ARHGAP26: variants seen among roughly 807,000 people sequenced by gnomAD.
ARHGAP26 encodes the protein Rho GTPase activating protein 26.
Under a neutral mutation model 104.8 loss-of-function variants are expected in ARHGAP26, and 38 were observed. The ratio of observed to expected loss-of-function variants is 0.36; its 90% CI spans 0.28 to 0.48. The LOEUF (loss-of-function observed/expected upper bound fraction) is 0.48, where lower values mean the gene tolerates loss of function less well. ARHGAP26 is among the 20% of genes least tolerant of loss of function. ARHGAP26 has a pLI of 0.99. For missense variants in ARHGAP26, 704 were observed against 947.9 expected, an observed-to-expected ratio of 0.74 and a Z score of 3.38; for synonymous variants, 341 against 340.0, an observed-to-expected ratio of 1.00 and a Z score of -0.03.
chr5:143,167,482 CAAAAAAAAAAAAAAAAAAAA>C (rs6149274), intron 20 of ARHGAP26, among the ~76,000 whole-genome samples: 9 of 60,086 alleles, frequency 1.5e-4, no homozygotes, highest in East Asian at 4.2e-4. Context: ...GACTCCATCT[CAAAAAAAAAAAAAAAAAAAA>C]AAAAAAAAAA....
intron 19 of ARHGAP26, among the ~76,000 whole-genome samples, chr5:143,140,487 A>G (rs796284683): frequency 6.6e-6 from 1 of 152,228 alleles, no homozygotes; most frequent in Non-Finnish European, 1.5e-5. Context: ...GCCAGTATAT[A>G]TAAAGTACTT....
intron 11 of ARHGAP26, among the ~76,000 whole-genome samples, chr5:142,938,821 A>G (rs1765830925): frequency 1.3e-5 from 2 of 152,286 alleles, no homozygotes; most frequent in Non-Finnish European, 2.9e-5. Context: ...TTTTAGATGT[A>G]TTAGTCCTCC....
intron 1 of ARHGAP26, among the ~76,000 whole-genome samples, chr5:142,840,454 A>G (rs968930404): frequency 1.3e-5 from 2 of 152,118 alleles, no homozygotes; most frequent in African/African-American, 4.8e-5. Flanking sequence ...TTTTTTGACT[A>G]TTGTTAAATA....
intron 14 of ARHGAP26, among the ~76,000 whole-genome samples, chr5:143,045,491 G>A (rs1784087546): frequency 6.6e-6 from 1 of 152,164 alleles, no homozygotes; most frequent in Admixed American, 6.5e-5. Flanking sequence ...ATCAATTCTT[G>A]GTACTGGTAG....
At position 142,890,146 on chromosome 5, in the gene ARHGAP26, AAAAAAATATATAT is replaced by A. The variant is rs1396591173; in HGVS notation, c.487-4090_487-4078del. Among the ~76,000 whole-genome samples, 7 of 89,204 alleles carry A rather than the reference AAAAAAATATATAT, an allele frequency of 7.8e-5. No individual in the cohort carries two copies. The South Asian group carries it at 1.6e-3, about 21-fold the overall frequency. 58.5% of individuals were successfully genotyped at this position (89,204 alleles called of 152,430 possible). ...AGCGAAACTCCGTCTTAAAAAAAAA[AAAAAAATATATAT>A]ATATATATATATATATATATATATA... On this transcript the variant is annotated intron_variant, in intron 5 of 22. Coordinates refer to ENST00000645722, the MANE Select transcript of ARHGAP26 (RefSeq NM_001135608.3).
rs80116612 is a variant in ARHGAP26 at position 142,979,534 on chromosome 5, A to G, written c.1108-34546A>G. ...AACATAGACGTATCTCTTGAGGGCT[A>G]GGAGTGCCACTGATGGGGCCACATT... On this transcript the variant is annotated intron_variant, in intron 11 of 22. Transcript: ENST00000645722. Among the ~76,000 whole-genome samples the G allele has an allele frequency of 2.0e-5, 3 of 152,350 alleles. No individual in the cohort carries two copies. In the East Asian group the frequency reaches 5.8e-4, roughly 29 times the overall value.
At chr5:142,864,115 AC>A (rs1451499552) in intron 1 of ARHGAP26, among the ~76,000 whole-genome samples, 2 of 149,666 alleles carry the variant, frequency 1.3e-5, no homozygotes, top group Admixed American at 1.3e-4. Flanking sequence ...TTAATTCACC[AC>A]CCCCTCCCCT....
rs557903554 is a variant in ARHGAP26 at position 143,153,140 on chromosome 5, A to G, written c.1988+5759A>G. Among the ~76,000 whole-genome samples, 20 of 152,310 alleles carry G rather than the reference A, an allele frequency of 1.3e-4. No individual in the cohort carries two copies. In the South Asian group the frequency reaches 3.9e-3, roughly 30 times the overall value. ...TGGAGACTAGCCTCTCGGTTTTCAG[A>G]ATCTTCTTGGAAAGAAAACAACTTG... On this transcript the variant is annotated intron_variant, in intron 20 of 22. Coordinates refer to ENST00000645722, the MANE Select transcript of ARHGAP26 (RefSeq NM_001135608.3).
At chr5:142,988,354 T>A (rs1005730455) in intron 11 of ARHGAP26, among the ~76,000 whole-genome samples, 4 of 152,194 alleles carry the variant, frequency 2.6e-5, no homozygotes, top group Non-Finnish European at 5.9e-5. Context: ...TATCATTTTT[T>A]ATTGTTTCTA....
At chr5:142,926,662 T>C (rs1182135098) in intron 10 of ARHGAP26, among the ~76,000 whole-genome samples, 2 of 152,210 alleles carry the variant, frequency 1.3e-5, no homozygotes, top group African/African-American at 4.8e-5. Flanking sequence ...CCTTCAGCCC[T>C]CAGCCCTGTG....
At chr5:142,955,126 C>CACCCA (rs561605232) in intron 11 of ARHGAP26, among the ~76,000 whole-genome samples, 1 of 148,624 alleles carries the variant, frequency 6.7e-6, no homozygotes, top group African/African-American at 2.5e-5. Context: ...ACACACACAC[C>CACCCA]CCCCATCTCT....
At chr5:142,985,654 C>T (rs181107538) in intron 11 of ARHGAP26, among the ~76,000 whole-genome samples, 6 of 119,464 alleles carry the variant, frequency 5.0e-5, no homozygotes, top group African/African-American at 1.3e-4. Context: ...ATCCCTCCCC[C>T]CTCCCCCCCA....
chr5:142,770,748 G>T lies in ARHGAP26; in HGVS notation c.-14G>T. 7.3e-7 allele frequency: 1 copy of T among 1,373,594 alleles called. No individual in the cohort carries two copies. The highest frequency in any genetic ancestry group is 9.5e-7 in the Non-Finnish European group (1 of 1,050,278). 85.1% of individuals were successfully genotyped at this position (1,373,594 alleles called of 1,614,324 possible). A position where few individuals can be genotyped will look rare whatever the true frequency, so the allele number is the denominator to read the frequency against. ...CGGCGGAGGCGCGCCCCCCGGCTGG[G>T]CGCCGCGCGCACCATGGGGCTCCCA... On this transcript the variant is annotated 5_prime_UTR_variant, in exon 1 of 23. Coordinates refer to ENST00000645722, the MANE Select transcript of ARHGAP26 (RefSeq NM_001135608.3).
chr5:142,885,556 G>A (rs1757582391), intron 5 of ARHGAP26, among the ~76,000 whole-genome samples, 157 bp downstream of exon 5: 1 of 152,136 alleles, frequency 6.6e-6, no homozygotes, highest in Admixed American at 6.5e-5. Context: ...CTGATGCCTG[G>A]ACTGCCTTTG....
intron 17 of ARHGAP26, among the ~76,000 whole-genome samples, chr5:143,089,485 T>C (rs114414184): frequency 0.019 from 2,877 of 152,360 alleles, 46 homozygotes; most frequent in Non-Finnish European, 0.027. Context: ...GCCTTTGTTA[T>C]ACTTCCATCA....
Position 142,913,236 on chromosome 5 carries a change from G to C in ARHGAP26, c.971G>C (p.Arg324Pro). 1 of 1,614,132 alleles carries C rather than the reference G, an allele frequency of 6.2e-7. No individual in the cohort carries two copies. The highest frequency in any genetic ancestry group is 8.5e-7 in the Non-Finnish European group (1 of 1,180,008). Reference sequence around the variant, plus strand: ...TCAGTTATCCTCAAATCCTGCACACGGCGGAAAACAGACTCCATTGAGAAG... The same window carrying C: ...TCAGTTATCCTCAAATCCTGCACACCGCGGAAAACAGACTCCATTGAGAAG... ...DESVILKSCTRRKTDSIEKRF... is the reference protein window; with the variant it reads ...DESVILKSCTPRKTDSIEKRF... Residue 324 changes from arginine (R) to proline (P), a missense_variant, in exon 10 of 23, where the codon CGG becomes CCG. By Grantham distance (103) the Arg-to-Pro change is moderately radical. Coordinates refer to ENST00000645722, the MANE Select transcript of ARHGAP26 (RefSeq NM_001135608.3).
intron 11 of ARHGAP26, among the ~76,000 whole-genome samples, chr5:142,971,164 T>G (rs2152700359): frequency 6.6e-6 from 1 of 152,330 alleles, no homozygotes; most frequent in East Asian, 1.9e-4. Context: ...GTACATATTC[T>G]AAGTAGGAGG....
intron 11 of ARHGAP26, among the ~76,000 whole-genome samples, chr5:143,012,012 A>C (rs896801504): frequency 1.3e-5 from 2 of 152,226 alleles, no homozygotes; most frequent in African/African-American, 4.8e-5. Flanking sequence ...CACATTTTAT[A>C]GATGAAGAAA....
chr5:143,053,089 G>C (rs1360015378), intron 14 of ARHGAP26, among the ~76,000 whole-genome samples: 1 of 152,160 alleles, frequency 6.6e-6, no homozygotes, highest in Non-Finnish European at 1.5e-5. Context: ...TCTTGTCTCT[G>C]GGTTGTCGGA....
Sources: allele counts gnomAD v4.1 joint callset (sites outside exome capture counted in the v4.1 genomes callset), GRCh38; gene constraint gnomAD v4.1.1; transcripts MANE v1.5; gene names NCBI Gene and HGNC (gene_info 2026-07-23, HGNC 2026-07-21).